The following NEURL1 variants were observed in gnomAD, a reference collection of about 807,000 sequenced individuals.
The protein encoded by NEURL1 is E3 ubiquitin-protein ligase NEURL1.
A neutral mutation model predicts 41.2 loss-of-function variants in NEURL1; 26 were observed. That is an observed-to-expected ratio of 0.63 (90% confidence interval 0.46 to 0.87). NEURL1 has a LOEUF of 0.87. NEURL1 is among the 40% of genes least tolerant of loss of function. The probability of loss-of-function intolerance (pLI) is 0.00; values close to 1 mark genes in which losing one functional copy is unlikely to be tolerated. For missense variants in NEURL1, 761 were observed against 871.1 expected, an observed-to-expected ratio of 0.87 and a Z score of 1.59; for synonymous variants, 400 against 402.3, an observed-to-expected ratio of 0.99 and a Z score of 0.07.
chr10:103,538,007 T>C (rs1321678802), intron 1 of NEURL1, among the ~76,000 whole-genome samples: 1 of 152,198 alleles, frequency 6.6e-6, no homozygotes, highest in African/African-American at 2.4e-5. Context: ...TGATACAGTA[T>C]GGTCTCTTTT....
intron 4 of NEURL1, among the ~76,000 whole-genome samples, chr10:103,587,082 AAG>A (rs1193621790): frequency 6.6e-6 from 1 of 152,082 alleles, no homozygotes; most frequent in East Asian, 1.9e-4. Flanking sequence ...AAGAAAGAGA[AAG>A]AGAAAAATCA....
intron 1 of NEURL1, among the ~76,000 whole-genome samples, chr10:103,567,334 T>A (rs984533412): frequency 3.9e-5 from 6 of 151,962 alleles, no homozygotes; most frequent in African/African-American, 1.5e-4. Flanking sequence ...ATTTTTTAAT[T>A]TGCATTTTAA....
intron 4 of NEURL1, among the ~76,000 whole-genome samples, chr10:103,587,166 C>CA (rs2035941259): frequency 6.6e-6 from 1 of 151,404 alleles, no homozygotes; most frequent in African/African-American, 2.4e-5. Context: ...GGCTGGGATG[C>CA]AAAAAAATAA....
chr10:103,524,095 CA>C (rs1289962704), intron 1 of NEURL1, among the ~76,000 whole-genome samples: 1 of 152,152 alleles, frequency 6.6e-6, no homozygotes, highest in East Asian at 1.9e-4. Flanking sequence ...TCCTTGCCAG[CA>C]TTTGTAATTT....
chr10:103,564,191 G>A (rs12261058), intron 1 of NEURL1, among the ~76,000 whole-genome samples: 28,386 of 152,208 alleles, frequency 0.19, 2,723 homozygotes, highest in Non-Finnish European at 0.2. Context: ...AGGGTCACCC[G>A]GAGAGCTGGC....
chr10:103,584,423 C>T (rs1419438137), intron 3 of NEURL1, 113 bp from the exon 4 acceptor site: 6 of 562,566 alleles, frequency 1.1e-5, no homozygotes, highest in Non-Finnish European at 1.6e-5. Flanking sequence ...GCATCGTGTG[C>T]GCCATTAGCC....
At chr10:103,590,046 G>A in intron 5 of NEURL1, 88 bp from the exon 6 acceptor site, 2 of 1,264,682 alleles carry the variant, frequency 1.6e-6, no homozygotes, top group South Asian at 2.5e-5. Flanking sequence ...AATGGAGGGG[G>A]ACACAAGAGG....
intron 3 of NEURL1, among the ~76,000 whole-genome samples, 170 bp from the exon 4 acceptor site, chr10:103,584,366 T>C (rs944241892): frequency 7.9e-5 from 12 of 152,234 alleles, no homozygotes; most frequent in African/African-American, 2.9e-4. Context: ...TAAACAGATG[T>C]CCTGCAAGAG....
At chr10:103,496,997 A>G (rs187910243) in intron 1 of NEURL1, among the ~76,000 whole-genome samples, 156 of 152,284 alleles carry the variant, frequency 1.0e-3, no homozygotes, top group Non-Finnish European at 1.8e-3. Flanking sequence ...GTAGGTGACC[A>G]TGGGAATTTT....
At position 103,592,461 on chromosome 10, in the gene NEURL1, C is replaced by T. The variant is rs768762761; in HGVS notation, c.*2089C>T. 5 of 152,728 alleles carry T rather than the reference C, an allele frequency of 3.3e-5. No homozygotes were observed. Among genetic ancestry groups the T allele is most frequent in the Admixed American group, 2.0e-4 (3 of 15,292 alleles). The allele number at this position is 152,728 out of a possible 1,614,324, so 9.5% of individuals were successfully genotyped here. ...GGTTGGGGAGAGGAAGCCATCATCT[C>T]ATTACCTCTGTCAGTGCAGGGGTGG... On this transcript the variant is annotated 3_prime_UTR_variant, in exon 6 of 6. Coordinates refer to ENST00000369780, the MANE Select transcript of NEURL1 (RefSeq NM_004210.5). The surrounding 1 kb of genome is among the most constrained non-coding windows in gnomAD (Gnocchi z 4.8).
chr10:103,494,616 G>C (rs1430034989), intron 1 of NEURL1, 144 bp downstream of exon 1: 1 of 706,984 alleles, frequency 1.4e-6, no homozygotes, highest in African/African-American at 1.9e-5. Context: ...GTGGGCTGGG[G>C]GTGGAGGGCA....
At chr10:103,586,081 G>A (rs2035918240) in intron 4 of NEURL1, among the ~76,000 whole-genome samples, 1 of 151,816 alleles carries the variant, frequency 6.6e-6, no homozygotes, top group Non-Finnish European at 1.5e-5. Context: ...TTTTCTCGGG[G>A]GCACAGGGTT....
intron 1 of NEURL1, among the ~76,000 whole-genome samples, chr10:103,554,804 T>C (rs1478129123): frequency 2.0e-5 from 3 of 152,208 alleles, no homozygotes; most frequent in Non-Finnish European, 4.4e-5. Context: ...TGTGAACCTC[T>C]TGAGGGCAGG....
intron 3 of NEURL1, among the ~76,000 whole-genome samples, chr10:103,579,598 G>C (rs1015215389): frequency 5.3e-5 from 8 of 152,158 alleles, no homozygotes; most frequent in Admixed American, 2.6e-4. Context: ...CGAAAGTCCT[G>C]TCTAATCCTA....
chr10:103,538,846 C>T (rs567120248), intron 1 of NEURL1, among the ~76,000 whole-genome samples: 2 of 151,372 alleles, frequency 1.3e-5, no homozygotes, highest in African/African-American at 4.9e-5. Context: ...GGGGTTTCAC[C>T]GTATTGGTCA....
At chr10:103,496,822 T>C (rs1402747383) in intron 1 of NEURL1, among the ~76,000 whole-genome samples, 2 of 152,160 alleles carry the variant, frequency 1.3e-5, no homozygotes, top group Non-Finnish European at 2.9e-5. Context: ...TCACAGACTA[T>C]CTTCCTGAGA....
intron 1 of NEURL1, among the ~76,000 whole-genome samples, chr10:103,526,882 T>G (rs2034470288): frequency 6.6e-6 from 1 of 152,176 alleles, no homozygotes; most frequent in South Asian, 2.1e-4. Context: ...TGTGTATAGT[T>G]GTTTGTAATA....
At position 103,570,852 on chromosome 10, in the gene NEURL1, C is replaced by G. The variant is rs767017480; in HGVS notation, c.86-20C>G. On this transcript the variant is annotated intron_variant, in intron 1 of 5. Transcript: ENST00000369780. ...TTGGACCCGCCAAGTTCTCTGACAC[C>G]GTGGCCTGTTCCTTTGCAGACTCTA... The G allele has an allele frequency of 1.2e-6, 2 of 1,605,118 alleles. No homozygotes were observed. The highest frequency in any genetic ancestry group is 3.4e-5 in the Admixed American group (2 of 59,614).
At chr10:103,510,205 C>G (rs186568332) in intron 1 of NEURL1, among the ~76,000 whole-genome samples, 56 of 152,310 alleles carry the variant, frequency 3.7e-4, no homozygotes, top group Middle Eastern at 3.4e-3. Context: ...CTTATAAGCT[C>G]TAGGTCTCTG....
Sources: gnomAD v4.1 joint callset for allele counts (sites outside exome capture counted in the v4.1 genomes callset) on GRCh38, gnomAD v4.1.1 for gene constraint, Gnocchi (gnomAD v3.1) non-coding constraint, MANE v1.5 for transcripts, NCBI Gene and HGNC (gene_info 2026-07-23, HGNC 2026-07-21) for gene names.